Variants in USP34 observed in about 807,000 individuals in gnomAD.
USP34 encodes ubiquitin specific peptidase 34.
USP34 carries 70 observed loss-of-function variants against 460.3 expected under a neutral mutation model. The observed-to-expected ratio is 0.15, with a 90% CI of 0.13 to 0.19. USP34 has a LOEUF of 0.19. USP34 is among the 10% of genes least tolerant of loss of function. The pLI is 1.00. For synonymous variants in USP34, 1,647 were observed against 1,405.3 expected (o/e 1.17, Z -3.85); for missense variants, 3,985 against 4,236.2 (o/e 0.94, Z 1.65).
intron 5 of USP34, among the ~76,000 whole-genome samples, chr2:61,390,410 C>T (rs1693307311): frequency 6.6e-6 from 1 of 152,170 alleles, no homozygotes; most frequent in Non-Finnish European, 1.5e-5. Context: ...TTTCTCTAAG[C>T]TGTGTTAAAT....
chr2:61,293,359 T>A (rs1199470424), intron 33 of USP34, 105 bp downstream of exon 33: 1 of 733,574 alleles, frequency 1.4e-6, no homozygotes, highest in African/African-American at 1.8e-5. Flanking sequence ...ATTCCATACT[T>A]TATTATAAGG....
chr2:61,337,721 G>A lies in USP34; in HGVS notation c.2744+1630C>T, dbSNP rs139438153. Among the ~76,000 whole-genome samples, 90 of 152,274 alleles carry A rather than the reference G, an allele frequency of 5.9e-4. 2 individuals are homozygous for A. The East Asian group carries it at 0.015, about 25-fold the overall frequency. ...TCCACCTACCTTGGCCTCCCAAAGT[G>A]CTGGGATTACAGCCATTAGCTACTG... On this transcript the variant is annotated intron_variant, in intron 18 of 79. Transcript: ENST00000398571.
At chr2:61,439,449 G>A (rs535088274) in intron 1 of USP34, among the ~76,000 whole-genome samples, 1 of 152,076 alleles carries the variant, frequency 6.6e-6, no homozygotes, top group Non-Finnish European at 1.5e-5. Context: ...CGGCCATCCT[G>A]TCTCCCCTGC....
At chr2:61,439,297 G>C (rs1333690407) in intron 1 of USP34, among the ~76,000 whole-genome samples, 2 of 152,144 alleles carry the variant, frequency 1.3e-5, no homozygotes, top group Non-Finnish European at 2.9e-5. Flanking sequence ...TGCCTCAGCT[G>C]TGTAGAGCCA....
chr2:61,305,356 A>C (rs1319257161), intron 27 of USP34, among the ~76,000 whole-genome samples: 1 of 152,080 alleles, frequency 6.6e-6, no homozygotes, highest in East Asian at 1.9e-4. Context: ...TGACAAGGAG[A>C]AAAAAAGAAG....
At chr2:61,227,817 T>TCA (rs985917173) in intron 61 of USP34, among the ~76,000 whole-genome samples, 3 of 152,120 alleles carry the variant, frequency 2.0e-5, no homozygotes, top group African/African-American at 7.2e-5. Flanking sequence ...ATAAGCAAGC[T>TCA]CATTGGAAGA....
intron 1 of USP34, among the ~76,000 whole-genome samples, chr2:61,422,157 A>G (rs1364253355): frequency 1.3e-5 from 2 of 152,204 alleles, no homozygotes; most frequent in African/African-American, 2.4e-5. Context: ...AGAATAAGAT[A>G]TAGTTGGGGC....
intron 1 of USP34, among the ~76,000 whole-genome samples, chr2:61,438,066 T>C (rs1694865695): frequency 6.6e-6 from 1 of 151,924 alleles, no homozygotes. Context: ...GAAAACTACA[T>C]GCCAGTGTCC....
intron 51 of USP34, among the ~76,000 whole-genome samples, chr2:61,244,750 T>C (rs1688375671): frequency 6.6e-6 from 1 of 152,194 alleles, no homozygotes. Flanking sequence ...CTTTAAAACT[T>C]AGCTCAAGCC....
intron 65 of USP34, 153 bp from the exon 66 acceptor site, chr2:61,221,759 A>G: frequency 1.7e-6 from 1 of 602,592 alleles, no homozygotes; most frequent in Non-Finnish European, 2.6e-6. Context: ...CTGAACTACC[A>G]TAAAGCAGCA....
At chr2:61,328,330 T>A (rs936371215) in intron 20 of USP34, among the ~76,000 whole-genome samples, 52 of 146,622 alleles carry the variant, frequency 3.5e-4, no homozygotes, top group Non-Finnish European at 4.5e-4. Flanking sequence ...GAAAAAAAAA[T>A]AATATAAAAT....
chr2:61,202,339 C>T (rs940804351), intron 75 of USP34, among the ~76,000 whole-genome samples: 2 of 152,030 alleles, frequency 1.3e-5, no homozygotes, highest in African/African-American at 2.4e-5. Context: ...ATTTCACGTC[C>T]CACTCTGAAA....
intron 2 of USP34, among the ~76,000 whole-genome samples, chr2:61,417,744 C>CTTTTTTTTTTT (rs55680146): frequency 1.1e-5 from 1 of 87,942 alleles, no homozygotes; most frequent in Non-Finnish European, 2.2e-5. Flanking sequence ...TTTTTCTTTT[C>CTTTTTTTTTTT]TTTTTTTTTT....
intron 8 of USP34, among the ~76,000 whole-genome samples, chr2:61,371,883 G>C (rs1309882623): frequency 1.3e-5 from 2 of 152,040 alleles, no homozygotes; most frequent in Admixed American, 1.3e-4. Flanking sequence ...TATTTACAAA[G>C]TGTTACAAAT....
chr2:61,266,031 T>G lies in USP34; in HGVS notation c.5570A>C (p.Glu1857Ala). The G allele has an allele frequency of 1.2e-6, 2 of 1,613,574 alleles. No individual in the cohort carries two copies. The highest frequency in any genetic ancestry group is 1.1e-5 in the South Asian group (1 of 90,998). Residue 1857 changes from glutamate (E) to alanine (A), a missense_variant, in exon 42 of 80, where the codon GAG becomes GCG. Physicochemically the swap from Glu to Ala is moderately radical, Grantham distance 107. Coordinates refer to ENST00000398571, the MANE Select transcript of USP34 (RefSeq NM_014709.4). ...CCAGTTGTGTATTAGCCTGTAGTTC[T>G]CAACAGACCCCTTTACCATCTCTAC... ...LLVEMVKGSV[E>A]NYRLIHNWVM...
intron 2 of USP34, among the ~76,000 whole-genome samples, chr2:61,408,073 C>T (rs1211969776): frequency 6.6e-6 from 1 of 152,088 alleles, no homozygotes; most frequent in Non-Finnish European, 1.5e-5. Context: ...CGAGATCATG[C>T]CACTGCACTG....
At chr2:61,307,348 G>C (rs975194040) in intron 27 of USP34, among the ~76,000 whole-genome samples, 7 of 151,620 alleles carry the variant, frequency 4.6e-5, no homozygotes, top group Admixed American at 4.6e-4. Flanking sequence ...ATAGCATTAG[G>C]AGATATACCT....
chr2:61,237,556 T>C (rs1688104689), intron 53 of USP34, among the ~76,000 whole-genome samples: 1 of 79,674 alleles, frequency 1.3e-5, no homozygotes, highest in South Asian at 6.5e-4. Flanking sequence ...TTCTGTGGAT[T>C]TTTTTTTTTT....
At chr2:61,414,274 A>AC (rs1327710295) in intron 2 of USP34, among the ~76,000 whole-genome samples, 1 of 32,518 alleles carries the variant, frequency 3.1e-5, no homozygotes, top group Non-Finnish European at 6.3e-5. Context: ...AAATAACTTT[A>AC]AAAAAAAAAA....
Sources: gnomAD v4.1 joint callset for allele counts (sites outside exome capture counted in the v4.1 genomes callset) on GRCh38, gnomAD v4.1.1 for gene constraint, MANE v1.5 for transcripts, NCBI Gene and HGNC (gene_info 2026-07-23, HGNC 2026-07-21) for gene names.